Variants in PAM16 observed in about 807,000 individuals in gnomAD.
PAM16 encodes presequence translocase associated motor 16, also known as mitochondrial import inner membrane translocase subunit TIM16.
A neutral mutation model predicts 17.9 loss-of-function variants in PAM16; 11 were observed. That is an observed-to-expected ratio of 0.62 (90% CI 0.39 to 1.02). The LOEUF is 1.02. Among genes scored for constraint, PAM16 ranks in the 50% least tolerant of loss-of-function variants. The probability of loss-of-function intolerance (pLI) is 0.01; values close to 1 mark genes in which losing one functional copy is unlikely to be tolerated. For missense variants in PAM16, 199 were observed against 165.4 expected, an observed-to-expected ratio of 1.20 and a Z score of -1.11; for synonymous variants, 72 against 67.4, an observed-to-expected ratio of 1.07 and a Z score of -0.34.
chr16:4,341,587 C>A, intron 2 of PAM16, 83 bp from the exon 3 acceptor site: 1 of 1,503,092 alleles, frequency 6.7e-7, no homozygotes, highest in South Asian at 1.3e-5. Context: ...CTCACCCCTG[C>A]CACCAGCACA....
chr16:4,344,344 TTCTGTGTGAGAAGAGGGGGTTC>T (rs2053705461), intron 1 of PAM16, among the ~76,000 whole-genome samples: 2 of 358 alleles, frequency 5.6e-3, no homozygotes, highest in African/African-American at 0.016. Flanking sequence ...GAGGAGGGGG[TTCTGTGTGAGAAGAGGGGGTTC>T]TGTGTGAGAG....
chr16:4,340,981 T>A lies in PAM16; in HGVS notation c.230A>T (p.Tyr77Phe). Residue 77 changes from tyrosine (Y) to phenylalanine (F), a missense_variant, in exon 4 of 5, where the codon TAT becomes TTT. Physicochemically the swap from Tyr to Phe is conservative, Grantham distance 22 (BLOSUM62 3). Coordinates refer to ENST00000318059, the MANE Select transcript of PAM16 (RefSeq NM_016069.11). ...KLSPEEVQKN[Y>F]EHLFKVNDKS... The stretch of plus-strand genomic sequence containing the variant: ...ATCATTCACCTTAAATAAGTGTTCA[T>A]AGTTCTGCAGAGGAGAGGGGACGGG... 1 of 1,613,580 alleles carries A rather than the reference T, an allele frequency of 6.2e-7. No homozygotes were observed. The highest frequency in any genetic ancestry group is 8.5e-7 in the Non-Finnish European group (1 of 1,179,978).
chr16:4,350,455 G>A (rs202212099), intron 1 of PAM16, among the ~76,000 whole-genome samples: 1 of 151,930 alleles, frequency 6.6e-6, no homozygotes, highest in African/African-American at 2.4e-5. Context: ...AGGCTAGAGT[G>A]CACTGGCGGA....
chr16:4,344,514 CTGTGAGAGAAGGGGA>C (rs2053712791), intron 1 of PAM16, among the ~76,000 whole-genome samples: 1 of 1,848 alleles, frequency 5.4e-4, no homozygotes, highest in Non-Finnish European at 1.1e-3. Context: ...GGAGGGGGTT[CTGTGAGAGAAGGGGA>C]CTGTGTGAGA....
chr16:4,351,090 G>A (rs2053849870), intron 1 of PAM16, 142 bp downstream of exon 1: 4 of 394,362 alleles, frequency 1.0e-5, no homozygotes, highest in East Asian at 4.3e-5. Context: ...TCCCCCGGGT[G>A]CAACGCCCCC....
chr16:4,340,945 C>G lies in PAM16; in HGVS notation c.266G>C (p.Gly89Ala). 1 of 1,613,692 alleles carries G rather than the reference C, an allele frequency of 6.2e-7. No homozygotes were observed. The highest frequency in any genetic ancestry group is 8.5e-7 in the Non-Finnish European group (1 of 1,179,996). Reference protein sequence around the residue: ...HLFKVNDKSVGGSFYLQSKVV... With the variant: ...HLFKVNDKSVAGSFYLQSKVV... ...CTTTGACTGCAGGTAGAAGGAGCCA[C>G]CCACGGATTTATCATTCACCTTAAA... The change falls in exon 4 of 5, where the codon GGT becomes GCT. Residue 89 changes from glycine (G) to alanine (A), a missense_variant. Physicochemically the swap from Gly to Ala is moderately conservative, Grantham distance 60. Coordinates refer to ENST00000318059, the MANE Select transcript of PAM16 (RefSeq NM_016069.11).
intron 1 of PAM16, among the ~76,000 whole-genome samples, chr16:4,350,498 T>C (rs748025016): frequency 6.6e-6 from 1 of 151,926 alleles, no homozygotes; most frequent in South Asian, 2.1e-4. Flanking sequence ...TCTCGCGGGT[T>C]CAAGCGTCTG....
In PAM16 at chr16:4,340,311, C is replaced by A; in HGVS notation, c.*8G>T. On this transcript the variant is annotated 3_prime_UTR_variant, in exon 5 of 5. Transcript: ENST00000318059. ...GAGGCGGCGGGGTGGGCGGGGGGAG[C>A]CGAGCAGTCACGTATGGGGCATCTG... 6.2e-7 allele frequency: 1 copy of A among 1,607,364 alleles called. No individual in the cohort carries two copies.
chr16:4,347,610 C>G (rs1398283277), intron 1 of PAM16: 1 of 152,366 alleles, frequency 6.6e-6, no homozygotes, highest in Non-Finnish European at 1.5e-5. Context: ...CCCCAACATC[C>G]CCTGAGCTTC....
chr16:4,343,214 C>A lies in PAM16; in HGVS notation c.81G>T (p.Glu27Asp), dbSNP rs954393257. 3.7e-6 allele frequency: 6 copies of A among 1,612,700 alleles called. No individual in the cohort carries two copies. Among genetic ancestry groups the A allele is most frequent in the Non-Finnish European group, 5.1e-6 (6 of 1,179,970 alleles). ...AGACGGACCCATGCTTACCTGCAAA[C>A]TCCTGCCGCAAGGCCCGTGCAAAGG... is the stretch of plus-strand genomic sequence containing the variant. ...GRAFARALRQ[E>D]FAASRAAADA... Residue 27 changes from glutamate (E) to aspartate (D), a missense_variant, in exon 2 of 5, where the codon GAG (glutamate) becomes GAT (aspartate). Physicochemically the swap from Glu to Asp is conservative, Grantham distance 45. Coordinates refer to ENST00000318059, the MANE Select transcript of PAM16 (RefSeq NM_016069.11).
At chr16:4,344,781 CTGTGAGAGGAGGGGATTG>C (rs1344145620) in intron 1 of PAM16, among the ~76,000 whole-genome samples, 114 of 28,184 alleles carry the variant, frequency 4.0e-3, no homozygotes, top group Admixed American at 0.016. Flanking sequence ...GGAGGGGGTT[CTGTGAGAGGAGGGGATTG>C]TGTGAGAGGA....
Position 4,343,193 on chromosome 16 carries a change from G to A in PAM16, c.88+14C>T, listed in dbSNP as rs555724639. On this transcript the variant is annotated intron_variant, in intron 2 of 4. Coordinates refer to ENST00000318059, the MANE Select transcript of PAM16 (RefSeq NM_016069.11). ...GGAACTCCCAGCCCACAGGGGAGAC[G>A]GACCCATGCTTACCTGCAAACTCCT... 32 of 1,612,196 alleles carry A rather than the reference G, an allele frequency of 2.0e-5. No homozygotes were observed. Among genetic ancestry groups the A allele is most frequent in the African/African-American group, 4.0e-5 (3 of 75,036 alleles).
In PAM16 at chr16:4,343,231, G is replaced by A. The variant is rs200006600; in HGVS notation, c.64C>T (p.Arg22Trp). Residue 22 changes from arginine to tryptophan, a missense_variant, in exon 2 of 5, where the codon CGG becomes TGG. By Grantham distance (101) the Arg-to-Trp change is moderately radical (BLOSUM62 -3). Coordinates refer to ENST00000318059, the MANE Select transcript of PAM16 (RefSeq NM_016069.11). Reference sequence around the variant, plus strand: ...CCTGCAAACTCCTGCCGCAAGGCCCGTGCAAAGGCCCTGCCCACCACCTGC... The same window carrying A: ...CCTGCAAACTCCTGCCGCAAGGCCCATGCAAAGGCCCTGCCCACCACCTGC... ...GVQVVGRAFARALRQEFAASR... is the reference protein window; with the variant it reads ...GVQVVGRAFAWALRQEFAASR... 32 of 1,612,758 alleles carry A rather than the reference G, an allele frequency of 2.0e-5. No individual in the cohort carries two copies. The highest frequency in any genetic ancestry group is 6.6e-5 in the South Asian group (6 of 91,086).
chr16:4,343,532 T>C (rs1008353833), intron 1 of PAM16: 2 of 1,419,566 alleles, frequency 1.4e-6, no homozygotes, highest in Non-Finnish European at 1.8e-6. Flanking sequence ...AGAGGCAGAC[T>C]GGCCCCACCT....
chr16:4,343,127 C>G, intron 2 of PAM16, 80 bp downstream of exon 2: 1 of 1,588,414 alleles, frequency 6.3e-7, no homozygotes, highest in Non-Finnish European at 8.6e-7. Context: ...AACCGCCAGG[C>G]CTGAGGTGCC....
At chr16:4,344,533 T>TTCC (rs2053713723) in intron 1 of PAM16, among the ~76,000 whole-genome samples, 1 of 63,144 alleles carries the variant, frequency 1.6e-5, no homozygotes, top group Non-Finnish European at 2.9e-5. Flanking sequence ...AAGGGGACTG[T>TTCC]GTGAGAGGAG....
chr16:4,346,280 G>A (rs367950002), intron 1 of PAM16, among the ~76,000 whole-genome samples: 3 of 152,338 alleles, frequency 2.0e-5, no homozygotes, highest in South Asian at 4.1e-4. Flanking sequence ...AAAAATCCCA[G>A]CTATCTGACA....
intron 1 of PAM16, among the ~76,000 whole-genome samples, chr16:4,349,837 G>C (rs1233422131): frequency 6.6e-6 from 1 of 152,156 alleles, no homozygotes; most frequent in African/African-American, 2.4e-5. Context: ...CTGACACCAT[G>C]GGATGCATGA....
At chr16:4,345,821 G>T (rs1340201312) in intron 1 of PAM16, 7 of 984,324 alleles carry the variant, frequency 7.1e-6, no homozygotes, top group Non-Finnish European at 8.4e-6. Context: ...CCTCCCGAGT[G>T]GAACAGGAGG....
Sources: gnomAD v4.1 joint callset for allele counts (sites outside exome capture counted in the v4.1 genomes callset) on GRCh38, gnomAD v4.1.1 for gene constraint, MANE v1.5 for transcripts, NCBI Gene and HGNC (gene_info 2026-07-23, HGNC 2026-07-21) for gene names.